Variants in WDR48 observed in about 807,000 individuals in gnomAD.
WDR48 encodes WD repeat-containing protein 48.
A neutral mutation model predicts 94.0 loss-of-function variants in WDR48; 22 were observed. That is an observed-to-expected ratio of 0.23 (90% CI 0.17 to 0.33). The LOEUF (loss-of-function observed/expected upper bound fraction) is 0.33. Among genes scored for constraint, WDR48 ranks in the 10% least tolerant of loss-of-function variants. WDR48 has a pLI of 1.00. For missense variants in WDR48, 541 were observed against 813.8 expected (o/e 0.66, Z 4.08); for synonymous variants, 278 against 280.5 (o/e 0.99, Z 0.09).
chr3:39,080,811 G>A (rs1202420289), intron 11 of WDR48, among the ~76,000 whole-genome samples: 1 of 152,194 alleles, frequency 6.6e-6, no homozygotes, highest in Non-Finnish European at 1.5e-5. Flanking sequence ...TCAGGAAAAG[G>A]AAATGAATGG....
At position 39,074,832 on chromosome 3, in the gene WDR48, T is replaced by C. The variant is rs748792693; in HGVS notation, c.779T>C (p.Val260Ala). 6.2e-7 allele frequency: 1 copy of C among 1,614,196 alleles called. No homozygotes were observed. The highest frequency in any genetic ancestry group is 1.1e-5 in the South Asian group (1 of 91,078). ...VHDEGVWALQ[V>A]NDAFTHVYSG... ...GATGAAGGTGTTTGGGCGCTGCAAG[T>C]CAATGATGCCTTCACACATGTGTAT... Residue 260 changes from valine to alanine, a missense_variant, in exon 8 of 19, where the codon GTC becomes GCC. Physicochemically the swap from Val to Ala is moderately conservative, Grantham distance 64. Transcript: ENST00000302313.
chr3:39,069,778 C>T, intron 7 of WDR48, 34 bp downstream of exon 7: 1 of 1,574,394 alleles, frequency 6.4e-7, no homozygotes, highest in Non-Finnish European at 8.7e-7. Context: ...TACCTAATAA[C>T]CTTGTTAGAA....
chr3:39,063,334 A>G (rs1178996662), intron 2 of WDR48, 144 bp downstream of exon 2: 4 of 1,075,770 alleles, frequency 3.7e-6, no homozygotes, highest in Non-Finnish European at 5.1e-6. Flanking sequence ...CGCAACCAGA[A>G]TTCTGTAAGC....
At chr3:39,068,666 TATAAAG>T (rs2125650969) in intron 5 of WDR48, 99 bp from the exon 6 acceptor site, 3 of 714,688 alleles carry the variant, frequency 4.2e-6, no homozygotes, top group East Asian at 2.5e-5. Context: ...GTAGAGGACT[TATAAAG>T]ATAAGATTTT....
At chr3:39,055,801 C>T (rs1192585498) in intron 1 of WDR48, among the ~76,000 whole-genome samples, 2 of 152,146 alleles carry the variant, frequency 1.3e-5, no homozygotes, top group Non-Finnish European at 2.9e-5. Context: ...TCCATTTTTC[C>T]TCCTGTTATG....
At chr3:39,061,813 C>T (rs1160687629) in intron 1 of WDR48, among the ~76,000 whole-genome samples, 1 of 152,038 alleles carries the variant, frequency 6.6e-6, no homozygotes, top group Non-Finnish European at 1.5e-5. Context: ...GAGATGGTAT[C>T]TCATTGTGGT....
chr3:39,058,690 A>G (rs182394440), intron 1 of WDR48, among the ~76,000 whole-genome samples: 10 of 152,320 alleles, frequency 6.6e-5, no homozygotes, highest in Non-Finnish European at 1.0e-4. Context: ...TATATGCCAG[A>G]CACTATAATG....
chr3:39,064,993 T>G (rs2033517349), intron 2 of WDR48, among the ~76,000 whole-genome samples: 1 of 152,232 alleles, frequency 6.6e-6, no homozygotes, highest in South Asian at 2.1e-4. Flanking sequence ...GAAATCTGCC[T>G]GTCTTGCCCC....
At chr3:39,088,107 A>G (rs771980418) in intron 14 of WDR48, 21 bp from the exon 15 acceptor site, 12 of 1,610,462 alleles carry the variant, frequency 7.5e-6, no homozygotes, top group Non-Finnish European at 1.0e-5. Flanking sequence ...TGATATTAAC[A>G]CCACCTGCAT....
rs1559604206 is a variant in WDR48, at chr3:39,066,646, T to G, written c.351+16T>G. On this transcript the variant is annotated intron_variant, in intron 4 of 18. Coordinates refer to ENST00000302313, the MANE Select transcript of WDR48 (RefSeq NM_020839.4). Reference sequence around the variant, plus strand: ...GACACATAAGGTAAAACAATACAGTTCTCAGTGTCTTTAGTGTAATATTGG... The same window carrying G: ...GACACATAAGGTAAAACAATACAGTGCTCAGTGTCTTTAGTGTAATATTGG... 6.2e-7 allele frequency: 1 copy of G among 1,613,530 alleles called. No individual in the cohort carries two copies. The highest frequency in any genetic ancestry group is 1.7e-5 in the Admixed American group (1 of 59,996).
chr3:39,084,566 G>A (rs1293937679), intron 12 of WDR48, 79 bp from the exon 13 acceptor site: 17 of 1,311,038 alleles, frequency 1.3e-5, no homozygotes, highest in Non-Finnish European at 1.7e-5. Flanking sequence ...TAGTCAAATA[G>A]TACAAATAAA....
At chr3:39,091,727 C>G (rs770996336) in intron 17 of WDR48, 26 bp downstream of exon 17, 3 of 1,538,962 alleles carry the variant, frequency 1.9e-6, no homozygotes, top group Non-Finnish European at 2.7e-6. Context: ...GTTTCTTGAT[C>G]TAATTAACTA....
Position 39,068,773 on chromosome 3 carries a change from T to G in WDR48, c.484T>G (p.Ser162Ala), listed in dbSNP as rs758338931. Residue 162 changes from serine to alanine, a missense_variant and splice_region_variant, in exon 6 of 19, where the codon TCT (serine) becomes GCT (alanine). Ser to Ala is a moderately conservative substitution (Grantham distance 99). Transcript: ENST00000302313. ...LTASNNTVTT[S>A]SLSGNKDSIY... The stretch of plus-strand genomic sequence containing the variant: ...TTAGCTCCGTTTATCCTCAATAGCT[T>G]CTTCTTTAAGTGGAAACAAAGATTC... The G allele has an allele frequency of 8.1e-6, 13 of 1,602,052 alleles. No homozygotes were observed. Among genetic ancestry groups the G allele is most frequent in the African/African-American group, 1.3e-5 (1 of 74,794 alleles).
chr3:39,064,018 G>T (rs1473917240), intron 2 of WDR48, among the ~76,000 whole-genome samples: 1 of 152,118 alleles, frequency 6.6e-6, no homozygotes, highest in Non-Finnish European at 1.5e-5. Flanking sequence ...CCCCTTCAAA[G>T]ATTTCCCTTT....
intron 10 of WDR48, among the ~76,000 whole-genome samples, chr3:39,078,656 T>C (rs1389408209): frequency 6.6e-6 from 1 of 151,936 alleles, no homozygotes; most frequent in Non-Finnish European, 1.5e-5. Context: ...TGACCTCAAA[T>C]GATCTGCCCG....
chr3:39,061,412 CT>C (rs1559598825), intron 1 of WDR48, among the ~76,000 whole-genome samples: 1 of 152,138 alleles, frequency 6.6e-6, no homozygotes, highest in African/African-American at 2.4e-5. Context: ...ATCCATGTCC[CT>C]GCAAAGGACA....
intron 16 of WDR48, chr3:39,091,252 G>C (rs1463552530): frequency 6.1e-6 from 1 of 164,200 alleles, no homozygotes; most frequent in African/African-American, 2.4e-5. Context: ...AAAGGTGAAT[G>C]CTGTGGGTTT....
rs773757421 is a variant in WDR48 at position 39,094,044 on chromosome 3, T to C, written c.1916T>C (p.Ile639Thr). Residue 639 changes from isoleucine (I) to threonine (T), a missense_variant, in exon 18 of 19, where the codon ATT (isoleucine) becomes ACT (threonine). Around this residue, in one of 5 missense-constraint regions of WDR48, gnomAD observed 109 missense variants for 195.5 expected, o/e 0.56. Transcript: ENST00000302313. ...EDIAVLAEEK[I>T]ELLCQDQVLD... ...ATTGCTGTGTTGGCAGAGGAGAAAA[T>C]TGAACTTTTGTGCCAGGACCAGGTA... 6 of 1,611,438 alleles carry C rather than the reference T, an allele frequency of 3.7e-6. No individual in the cohort carries two copies. In the Admixed American group the frequency reaches 5.1e-5, roughly 14 times the overall value.
In WDR48 at chr3:39,078,109, G is replaced by A. The variant is rs370279953; in HGVS notation, c.973-28G>A. 7 of 1,537,526 alleles carry A rather than the reference G, an allele frequency of 4.6e-6. No homozygotes were observed. The African/African-American group carries it at 9.6e-5, about 21-fold the overall frequency. Reference sequence around the variant, plus strand: ...TGGCAAAGCTTGTAGAGCATAACATGATCAAATAACAAATTTTGTAATTTT... The same window carrying A: ...TGGCAAAGCTTGTAGAGCATAACATAATCAAATAACAAATTTTGTAATTTT... On this transcript the variant is annotated intron_variant, in intron 9 of 18. Transcript: ENST00000302313.
Sources: gnomAD v4.1 joint callset for allele counts (sites outside exome capture counted in the v4.1 genomes callset) on GRCh38, gnomAD v4.1.1 for gene constraint, gnomAD v4.1.1 regional missense constraint, MANE v1.5 for transcripts, NCBI Gene and HGNC (gene_info 2026-07-23, HGNC 2026-07-21) for gene names.